Variants in SCAPER observed in about 807,000 individuals in gnomAD.
The protein encoded by SCAPER is S phase cyclin A-associated protein in the endoplasmic reticulum.
SCAPER carries 98 observed loss-of-function variants against 182.2 expected under a neutral mutation model. The observed-to-expected ratio is 0.54, with a 90% CI of 0.46 to 0.64. SCAPER has a LOEUF of 0.64. Among genes scored for constraint, SCAPER ranks in the 30% least tolerant of loss-of-function variants. The probability of loss-of-function intolerance (pLI) is 0.00; values close to 1 mark genes in which losing one functional copy is unlikely to be tolerated. For synonymous variants in SCAPER, 605 were observed against 564.6 expected (o/e 1.07, Z -1.01); for missense variants, 1,432 against 1,690.0 (o/e 0.85, Z 2.68).
At chr15:76,362,702 C>T (rs188155113) in intron 29 of SCAPER, among the ~76,000 whole-genome samples, 3 of 151,348 alleles carry the variant, frequency 2.0e-5, no homozygotes, top group African/African-American at 7.3e-5. Flanking sequence ...TAAGCCACTG[C>T]GCTCAGCCCT....
intron 29 of SCAPER, among the ~76,000 whole-genome samples, chr15:76,365,587 T>G (rs558418914): frequency 3.9e-5 from 6 of 152,364 alleles, no homozygotes; most frequent in South Asian, 2.1e-4. Context: ...GAACCCTATC[T>G]ATAGAACACT....
intron 22 of SCAPER, among the ~76,000 whole-genome samples, chr15:76,619,566 C>T (rs980153583): frequency 5.9e-5 from 9 of 152,072 alleles, no homozygotes; most frequent in Admixed American, 2.0e-4. Context: ...TTTATGCATT[C>T]TCTGCAATTA....
At chr15:76,758,951 T>C (rs1242893130) in intron 14 of SCAPER, among the ~76,000 whole-genome samples, 1 of 124,692 alleles carries the variant, frequency 8.0e-6, no homozygotes, top group Non-Finnish European at 2.0e-5. Flanking sequence ...TAAACGTTAC[T>C]GAATTCATAT....
At chr15:76,667,397 TTTC>T (rs901903252) in intron 20 of SCAPER, among the ~76,000 whole-genome samples, 1 of 152,086 alleles carries the variant, frequency 6.6e-6, no homozygotes, top group Non-Finnish European at 1.5e-5. Flanking sequence ...TACTCAGAGC[TTTC>T]TTCTTCTCTA....
chr15:76,787,260 G>A (rs1211495663), intron 8 of SCAPER, among the ~76,000 whole-genome samples: 2 of 152,126 alleles, frequency 1.3e-5, no homozygotes, highest in African/African-American at 4.8e-5. Flanking sequence ...AGTCAGTATA[G>A]AATTGATGGA....
rs1474962150 is a variant in SCAPER, at chr15:76,371,342, C to T, written c.3855+4820G>A. Among the ~76,000 whole-genome samples the T allele has an allele frequency of 1.4e-4, 20 of 145,930 alleles. No homozygotes were observed. The South Asian group carries it at 2.8e-3, about 21-fold the overall frequency. ...CTCTTTTTTTTTTTTTTTGTTGAAA[C>T]GGAGTCTTGCTCTGTCACCCAGGCT... On this transcript the variant is annotated intron_variant, in intron 29 of 31. Coordinates refer to ENST00000563290, the MANE Select transcript of SCAPER (RefSeq NM_020843.4).
At chr15:76,449,676 A>G (rs935907318) in intron 25 of SCAPER, among the ~76,000 whole-genome samples, 1 of 152,170 alleles carries the variant, frequency 6.6e-6, no homozygotes, top group African/African-American at 2.4e-5. Flanking sequence ...TTTCAAGGGC[A>G]TGTATAAAGT....
At chr15:76,536,523 A>G (rs1309995409) in intron 23 of SCAPER, among the ~76,000 whole-genome samples, 2 of 152,232 alleles carry the variant, frequency 1.3e-5, no homozygotes, top group Non-Finnish European at 2.9e-5. Context: ...AAAGTGTTAC[A>G]AGAGAATAAA....
chr15:76,654,184 C>T (rs559340521), intron 21 of SCAPER, among the ~76,000 whole-genome samples: 3 of 152,198 alleles, frequency 2.0e-5, no homozygotes, highest in South Asian at 2.1e-4. Flanking sequence ...GGGCTGATCA[C>T]GAGGTCAGGA....
intron 2 of SCAPER, among the ~76,000 whole-genome samples, chr15:76,864,869 T>C (rs1018153465): frequency 2.6e-5 from 4 of 152,088 alleles, no homozygotes; most frequent in African/African-American, 4.8e-5. Context: ...TTGAAATAAA[T>C]TCAAATTACT....
Position 76,764,791 on chromosome 15 carries a change from C to T in SCAPER, c.1725+170G>A, listed in dbSNP as rs146852656. Among the ~76,000 whole-genome samples, 514 of 152,200 alleles carry T rather than the reference C, an allele frequency of 3.4e-3. 5 individuals are homozygous for T. The highest frequency in any genetic ancestry group is 0.011 in the African/African-American group (476 of 41,518). On this transcript the variant is annotated intron_variant, in intron 14 of 31. Transcript: ENST00000563290. ...AATTTACTAGATAATTTGAAAATGA[C>T]GATTTTTTAATAGTTAACCTTCTTG...
chr15:76,574,046 A>G (rs955688135), intron 23 of SCAPER, 112 bp downstream of exon 23: 1 of 1,054,828 alleles, frequency 9.5e-7, no homozygotes, highest in African/African-American at 1.6e-5. Flanking sequence ...GACTAGCTTT[A>G]AAAAACACAG....
chr15:76,694,555 C>T (rs2058553359), intron 20 of SCAPER, among the ~76,000 whole-genome samples: 1 of 151,992 alleles, frequency 6.6e-6, no homozygotes, highest in Non-Finnish European at 1.5e-5. Flanking sequence ...TAAGATGGCA[C>T]ATTTTAAGTT....
intron 15 of SCAPER, among the ~76,000 whole-genome samples, chr15:76,746,534 C>G (rs2061802698): frequency 6.6e-6 from 1 of 152,134 alleles, no homozygotes; most frequent in Admixed American, 6.5e-5. Context: ...AGCAATTAAA[C>G]AAGAAAAAGA....
intron 5 of SCAPER, among the ~76,000 whole-genome samples, chr15:76,829,017 A>T (rs767864803): frequency 7.2e-5 from 11 of 152,236 alleles, no homozygotes; most frequent in Non-Finnish European, 1.3e-4. Flanking sequence ...GCATGTTTAT[A>T]GCAGCACAAT....
At chr15:76,635,837 T>C (rs1050291929) in intron 21 of SCAPER, among the ~76,000 whole-genome samples, 4 of 152,224 alleles carry the variant, frequency 2.6e-5, no homozygotes, top group African/African-American at 9.6e-5. Flanking sequence ...TCCCCTTCAT[T>C]CTATTAATAT....
At chr15:76,754,505 A>C (rs895163755) in intron 14 of SCAPER, among the ~76,000 whole-genome samples, 4 of 152,098 alleles carry the variant, frequency 2.6e-5, no homozygotes, top group African/African-American at 9.6e-5. Context: ...CCTACAAAAA[A>C]AGATAGATGT....
At position 76,497,394 on chromosome 15, in the gene SCAPER, C is replaced by T. The variant is rs528656394; in HGVS notation, c.2954+7465G>A. On this transcript the variant is annotated intron_variant, in intron 24 of 31. Coordinates refer to ENST00000563290, the MANE Select transcript of SCAPER (RefSeq NM_020843.4). ...AGATGACCTCTCTTTAGAGTTTAGT[C>T]AGCTATGGCCATTGAGGGGAGCACC... is the stretch of plus-strand genomic sequence containing the variant. 4.6e-5 allele frequency among the ~76,000 whole-genome samples: 7 copies of T among 152,032 alleles called. No homozygotes were observed. In the South Asian group the frequency reaches 1.5e-3, roughly 32 times the overall value.
intron 27 of SCAPER, among the ~76,000 whole-genome samples, chr15:76,401,704 C>T (rs931541308): frequency 2.6e-5 from 4 of 152,166 alleles, no homozygotes; most frequent in Non-Finnish European, 4.4e-5. Flanking sequence ...CTAAACATGA[C>T]GCTAACTCTT....
Sources: gnomAD v4.1 joint callset for allele counts (sites outside exome capture counted in the v4.1 genomes callset) on GRCh38, gnomAD v4.1.1 for gene constraint, MANE v1.5 for transcripts, NCBI Gene and HGNC (gene_info 2026-07-23, HGNC 2026-07-21) for gene names.